The following CDH12 variants were observed in gnomAD, a reference collection of about 807,000 sequenced individuals.
The protein encoded by CDH12 is cadherin-12.
Under a neutral mutation model 74.1 loss-of-function variants are expected in CDH12, and 41 were observed. The observed-to-expected ratio is 0.55, with a 90% CI of 0.43 to 0.72. The LOEUF (loss-of-function observed/expected upper bound fraction) is 0.72, where lower values mean the gene tolerates loss of function less well. Among genes scored for constraint, CDH12 ranks in the 30% least tolerant of loss-of-function variants. The pLI, the probability that CDH12 is intolerant of heterozygous loss-of-function variation, is 0.00. For missense variants in CDH12, 945 were observed against 977.2 expected (o/e 0.97, Z 0.44); for synonymous variants, 399 against 355.0 (o/e 1.12, Z -1.39).
intron 3 of CDH12, among the ~76,000 whole-genome samples, chr5:22,298,894 T>C (rs947433607): frequency 2.8e-4 from 43 of 152,228 alleles, no homozygotes; most frequent in African/African-American, 9.6e-4. Context: ...CCATATAATT[T>C]ACTTTTTGGA....
intron 1 of CDH12, among the ~76,000 whole-genome samples, chr5:22,719,420 A>G (rs1246077262): frequency 6.6e-6 from 1 of 152,162 alleles, no homozygotes; most frequent in Non-Finnish European, 1.5e-5. Flanking sequence ...GAGAATAGCA[A>G]ATGTGGAAAA....
intron 6 of CDH12, among the ~76,000 whole-genome samples, chr5:21,884,538 A>C (rs538754992): frequency 6.6e-6 from 1 of 152,302 alleles, no homozygotes; most frequent in East Asian, 1.9e-4. Context: ...TGAATAAAAA[A>C]CATTTGTACA....
Position 22,252,010 on chromosome 5 carries a change from C to A in CDH12, c.-332-39367G>T, listed in dbSNP as rs188864857. On this transcript the variant is annotated intron_variant, in intron 3 of 14. Coordinates refer to ENST00000382254, the MANE Select transcript of CDH12 (RefSeq NM_004061.5). The stretch of plus-strand genomic sequence containing the variant: ...TTTCTTTAACATTATAGAGGAATTA[C>A]TGTTCATATTTTTTCTTCCAAATGG... Among the ~76,000 whole-genome samples, 43 of 152,086 alleles carry A rather than the reference C, an allele frequency of 2.8e-4. No homozygotes were observed. The East Asian group carries it at 5.2e-3, about 19-fold the overall frequency.
intron 6 of CDH12, among the ~76,000 whole-genome samples, chr5:21,922,966 C>CTA (rs934383252): frequency 6.7e-6 from 1 of 149,448 alleles, no homozygotes; most frequent in Non-Finnish European, 1.5e-5. Flanking sequence ...ATATCTATAT[C>CTA]TATATCTATA....
chr5:22,537,830 G>A (rs193034318), intron 1 of CDH12, among the ~76,000 whole-genome samples: 11 of 152,228 alleles, frequency 7.2e-5, no homozygotes, highest in South Asian at 4.1e-4. Flanking sequence ...GTTTGTTTCC[G>A]CTTTCTTTTA....
chr5:22,766,987 G>A (rs1304851893), intron 1 of CDH12, among the ~76,000 whole-genome samples: 2 of 151,928 alleles, frequency 1.3e-5, no homozygotes, highest in East Asian at 3.9e-4. Flanking sequence ...CAGGTGGTAG[G>A]TACACAGTAA....
intron 5 of CDH12, among the ~76,000 whole-genome samples, chr5:22,014,301 G>A (rs1484753083): frequency 1.3e-5 from 2 of 152,136 alleles, no homozygotes; most frequent in East Asian, 3.9e-4. Context: ...ATAATTGGTT[G>A]GAATATCCCA....
chr5:22,361,546 C>T (rs1561344194), intron 3 of CDH12, among the ~76,000 whole-genome samples: 1 of 152,122 alleles, frequency 6.6e-6, no homozygotes. Context: ...ATCAAGCTAC[C>T]AATGACTTTC....
intron 1 of CDH12, among the ~76,000 whole-genome samples, chr5:22,622,276 C>CCTACT (rs199732158): frequency 0.066 from 9,965 of 151,728 alleles, 435 homozygotes; most frequent in East Asian, 0.24. Flanking sequence ...TAGATGCAAC[C>CCTACT]GAGAGGAACA....
At chr5:22,240,225 G>A (rs35694431) in intron 3 of CDH12, among the ~76,000 whole-genome samples, 15,122 of 152,132 alleles carry the variant, frequency 0.099, 1,004 homozygotes, top group Non-Finnish European at 0.15. Flanking sequence ...GTAAAACTGA[G>A]ATATTGATCA....
chr5:22,231,374 A>C (rs1029635748), intron 3 of CDH12, among the ~76,000 whole-genome samples: 10 of 151,636 alleles, frequency 6.6e-5, no homozygotes, highest in African/African-American at 2.4e-4. Flanking sequence ...GGTTTTCTTA[A>C]TTATTTTAAT....
chr5:22,185,342 G>T (rs1384141502), intron 4 of CDH12, among the ~76,000 whole-genome samples: 1 of 151,990 alleles, frequency 6.6e-6, no homozygotes, highest in Non-Finnish European at 1.5e-5. Context: ...GGGATTACAG[G>T]TGTGCACCTC....
At chr5:22,766,245 A>G in intron 1 of CDH12, among the ~76,000 whole-genome samples, 1 of 152,100 alleles carries the variant, frequency 6.6e-6, no homozygotes, top group East Asian at 1.9e-4. Flanking sequence ...CCACTCACAG[A>G]AAATTCTACT....
intron 14 of CDH12, among the ~76,000 whole-genome samples, chr5:21,754,784 A>G (rs1744292420): frequency 6.6e-6 from 1 of 152,134 alleles, no homozygotes; most frequent in South Asian, 2.1e-4. Context: ...ATCTGTTGTC[A>G]TTTGATTTTA....
intron 3 of CDH12, among the ~76,000 whole-genome samples, chr5:22,254,453 A>C (rs1753238743): frequency 6.6e-6 from 1 of 151,800 alleles, no homozygotes; most frequent in Non-Finnish European, 1.5e-5. Context: ...AAAAACATCA[A>C]CAATTCCACT....
intron 3 of CDH12, among the ~76,000 whole-genome samples, chr5:22,284,697 A>G (rs999473147): frequency 2.0e-4 from 30 of 152,194 alleles, no homozygotes; most frequent in Non-Finnish European, 2.9e-5. Context: ...ACACCATCCC[A>G]TACTCACAGG....
rs1205865859 is a variant in CDH12 at position 21,907,836 on chromosome 5, C to T, written c.527-53046G>A. ...TTGGTCTACCCCGATACACTGAATACGCAGAATGATGTCACCTCCTCACTG... is the reference window on the plus strand; with the variant it reads ...TTGGTCTACCCCGATACACTGAATATGCAGAATGATGTCACCTCCTCACTG... On this transcript the variant is annotated intron_variant, in intron 6 of 14. Transcript: ENST00000382254. 3.3e-5 allele frequency among the ~76,000 whole-genome samples: 5 copies of T among 152,150 alleles called. 1 individual carries two copies. In the East Asian group the frequency reaches 5.8e-4, roughly 18 times the overall value.
intron 1 of CDH12, among the ~76,000 whole-genome samples, chr5:22,771,422 G>C (rs534659163): frequency 3.3e-5 from 5 of 152,046 alleles, no homozygotes; most frequent in Non-Finnish European, 7.4e-5. Flanking sequence ...AAAGCCCATT[G>C]TATCAGATCT....
At chr5:22,299,604 T>A (rs1332003214) in intron 3 of CDH12, among the ~76,000 whole-genome samples, 1 of 152,196 alleles carries the variant, frequency 6.6e-6, no homozygotes, top group Non-Finnish European at 1.5e-5. Context: ...AGGCAAAGAA[T>A]CTCTTTGGTC....
Sources: gnomAD v4.1 joint callset for allele counts (sites outside exome capture counted in the v4.1 genomes callset) on GRCh38, gnomAD v4.1.1 for gene constraint, MANE v1.5 for transcripts, NCBI Gene and HGNC (gene_info 2026-07-23, HGNC 2026-07-21) for gene names.